ANO4: variants seen among roughly 807,000 people sequenced by gnomAD.
ANO4 encodes the protein anoctamin-4.
In ANO4, 69 loss-of-function variants were observed where a neutral mutation model predicts 141.9. That is an observed-to-expected ratio of 0.49 (90% CI 0.40 to 0.59). The LOEUF is 0.59. Among genes scored for constraint, ANO4 ranks in the 20% least tolerant of loss-of-function variants. The probability of loss-of-function intolerance (pLI) is 0.00; values close to 1 mark genes in which losing one functional copy is unlikely to be tolerated. For synonymous variants in ANO4, 350 were observed against 394.3 expected, an observed-to-expected ratio of 0.89 and a Z score of 1.33; for missense variants, 894 against 1,162.2, an observed-to-expected ratio of 0.77 and a Z score of 3.36.
intron 1 of ANO4, among the ~76,000 whole-genome samples, chr12:100,894,723 T>C (rs778112326): frequency 4.6e-5 from 7 of 151,896 alleles, no homozygotes; most frequent in Non-Finnish European, 1.0e-4. Flanking sequence ...CCAGAAAACT[T>C]TGGGAGGCCG....
intron 3 of ANO4, among the ~76,000 whole-genome samples, chr12:100,766,338 T>C (rs2033080749): frequency 6.6e-6 from 1 of 152,164 alleles, no homozygotes; most frequent in South Asian, 2.1e-4. Context: ...TTAGCGTCTT[T>C]ATTTGAGATC....
chr12:101,069,595 G>A (rs2048728188), intron 14 of ANO4, among the ~76,000 whole-genome samples: 1 of 152,178 alleles, frequency 6.6e-6, no homozygotes, highest in Non-Finnish European at 1.5e-5. Context: ...GAATGTCAGG[G>A]AGGTGCCAGT....
At chr12:100,941,068 A>C (rs374533443) in intron 4 of ANO4, among the ~76,000 whole-genome samples, 1 of 152,108 alleles carries the variant, frequency 6.6e-6, no homozygotes, top group Non-Finnish European at 1.5e-5. Context: ...TACTAACTCC[A>C]GTTTTTTTTT....
In ANO4 at chr12:100,848,126, T is replaced by A. The variant is rs185517758; in HGVS notation, c.-141+53099T>A. 2.0e-5 allele frequency among the ~76,000 whole-genome samples: 3 copies of A among 152,086 alleles called. No individual in the cohort carries two copies. The East Asian group carries it at 5.8e-4, about 29-fold the overall frequency. On this transcript the variant is annotated intron_variant, in intron 1 of 27. Transcript: ENST00000392977. ...CCTATGTCAACTGAGATTTCATTTGTTTTTTTTCTTTTTCTTCCTGTAGAT... is the reference window on the plus strand; with the variant it reads ...CCTATGTCAACTGAGATTTCATTTGATTTTTTTCTTTTTCTTCCTGTAGAT...
intron 14 of ANO4, among the ~76,000 whole-genome samples, chr12:101,074,571 A>G (rs2136823987): frequency 6.6e-6 from 1 of 152,310 alleles, no homozygotes; most frequent in South Asian, 2.1e-4. Context: ...ATTGTGGAGG[A>G]AAGCAAGAAA....
At chr12:100,766,086 G>A (rs114951312) in intron 3 of ANO4, among the ~76,000 whole-genome samples, 1,757 of 152,058 alleles carry the variant, frequency 0.012, 44 homozygotes, top group African/African-American at 0.04. Context: ...GATTGACTTT[G>A]TAAATATTCT....
At chr12:101,014,899 A>T (rs2046250747) in intron 8 of ANO4, among the ~76,000 whole-genome samples, 1 of 152,138 alleles carries the variant, frequency 6.6e-6, no homozygotes, top group Non-Finnish European at 1.5e-5. Flanking sequence ...TTGTGTTCAT[A>T]GCTCACTATA....
At chr12:100,874,509 GT>G (rs796352554) in intron 1 of ANO4, among the ~76,000 whole-genome samples, 29 of 152,126 alleles carry the variant, frequency 1.9e-4, no homozygotes, top group African/African-American at 6.7e-4. Flanking sequence ...GGAGTTTTAA[GT>G]TTTTTTATTT....
chr12:101,076,603 C>T (rs2049034302), intron 14 of ANO4, among the ~76,000 whole-genome samples: 1 of 152,036 alleles, frequency 6.6e-6, no homozygotes, highest in Admixed American at 6.6e-5. Flanking sequence ...AGATGAGAAC[C>T]ATAGAGGGTT....
intron 8 of ANO4, among the ~76,000 whole-genome samples, chr12:101,013,420 G>A (rs760324700): frequency 6.6e-6 from 1 of 152,136 alleles, no homozygotes; most frequent in Non-Finnish European, 1.5e-5. Context: ...AACTAAAGTG[G>A]AAGAGCAGGG....
intron 14 of ANO4, among the ~76,000 whole-genome samples, chr12:101,054,551 G>T (rs528846613): frequency 2.0e-5 from 3 of 152,188 alleles, no homozygotes; most frequent in African/African-American, 7.2e-5. Context: ...CCAGGCTGGA[G>T]TGCAGTGGCA....
chr12:101,043,699 G>A, intron 13 of ANO4, 64 bp downstream of exon 13: 1 of 1,204,476 alleles, frequency 8.3e-7, no homozygotes, highest in Non-Finnish European at 1.2e-6. Flanking sequence ...GAGGGATGGT[G>A]GGTAACTCTA....
At chr12:101,079,351 C>A in intron 15 of ANO4, 76 bp downstream of exon 15, 2 of 1,251,160 alleles carry the variant, frequency 1.6e-6, no homozygotes, top group Non-Finnish European at 2.3e-6. Context: ...AAAATTGTCA[C>A]TCTCTGTTCT....
chr12:100,856,001 G>A (rs775151940), intron 1 of ANO4, among the ~76,000 whole-genome samples: 3 of 152,180 alleles, frequency 2.0e-5, no homozygotes, highest in Non-Finnish European at 4.4e-5. Flanking sequence ...AGGGATAGAG[G>A]AAGGGGTGGA....
intron 8 of ANO4, among the ~76,000 whole-genome samples, chr12:101,011,977 A>C (rs893509526): frequency 9.3e-5 from 14 of 150,616 alleles, no homozygotes; most frequent in Admixed American, 3.3e-4. Context: ...ATTTCATAAT[A>C]TATGTAAAAA....
chr12:101,109,462 G>A (rs897706771), intron 22 of ANO4, among the ~76,000 whole-genome samples: 1 of 152,038 alleles, frequency 6.6e-6, no homozygotes, highest in Non-Finnish European at 1.5e-5. Flanking sequence ...TCAGGAGGCT[G>A]AGGCAGGAGA....
intron 22 of ANO4, among the ~76,000 whole-genome samples, chr12:101,105,370 G>T (rs988020078): frequency 6.6e-6 from 1 of 152,126 alleles, no homozygotes; most frequent in Non-Finnish European, 1.5e-5. Flanking sequence ...AATAATTTTG[G>T]CTTTTTGAGC....
chr12:100,971,462 G>A (rs2043932743), intron 6 of ANO4, 56 bp downstream of exon 6: 3 of 1,251,656 alleles, frequency 2.4e-6, no homozygotes, highest in Non-Finnish European at 3.4e-6. Context: ...TAAATCTAAT[G>A]TTCTCCTCTC....
intron 8 of ANO4, among the ~76,000 whole-genome samples, chr12:101,000,808 T>A (rs1395682333): frequency 6.6e-6 from 1 of 152,232 alleles, no homozygotes. Context: ...AAAGCATACC[T>A]CTGGGTATCT....
Sources: gnomAD v4.1 joint callset for allele counts (sites outside exome capture counted in the v4.1 genomes callset) on GRCh38, gnomAD v4.1.1 for gene constraint, MANE v1.5 for transcripts, NCBI Gene and HGNC (gene_info 2026-07-23, HGNC 2026-07-21) for gene names.